The following LARP1 variants were observed in gnomAD, a reference collection of about 807,000 sequenced individuals.
The protein encoded by LARP1 is La ribonucleoprotein 1, translational regulator, also known as la-related protein 1.
A neutral mutation model predicts 122.7 loss-of-function variants in LARP1; 36 were observed. That is an observed-to-expected ratio of 0.29 (90% CI 0.22 to 0.39). The LOEUF is 0.39. Among genes scored for constraint, LARP1 ranks in the 10% least tolerant of loss-of-function variants. The probability of loss-of-function intolerance (pLI) is 1.00; values close to 1 mark genes in which losing one functional copy is unlikely to be tolerated. For missense variants in LARP1, 1,040 were observed against 1,403.6 expected (o/e 0.74, Z 4.14); for synonymous variants, 539 against 528.7 (o/e 1.02, Z -0.27).
At chr5:154,758,466 G>GT (rs1212722711) in intron 1 of LARP1, among the ~76,000 whole-genome samples, 3 of 152,216 alleles carry the variant, frequency 2.0e-5, no homozygotes, top group Non-Finnish European at 4.4e-5. Context: ...CTCTAAGCCT[G>GT]TTGTTAGGGT....
At position 154,755,744 on chromosome 5, in the gene LARP1, G is replaced by C; in HGVS notation, c.-14G>C. On this transcript the variant is annotated 5_prime_UTR_variant, in exon 1 of 19. Coordinates refer to ENST00000518297, the MANE Select transcript of LARP1 (RefSeq NM_033551.3). ...TCGGGCGCGCCCGGCTTCTCCGGGGGGGCGGGCGCGCAGATGGCCACTCAG... is the reference window on the plus strand; with the variant it reads ...TCGGGCGCGCCCGGCTTCTCCGGGGCGGCGGGCGCGCAGATGGCCACTCAG... 1.0e-6 allele frequency: 1 copy of C among 987,454 alleles called. No individual in the cohort carries two copies. Among genetic ancestry groups the C allele is most frequent in the Non-Finnish European group, 1.2e-6 (1 of 830,434 alleles). 61.2% of individuals were successfully genotyped at this position (987,454 alleles called of 1,614,324 possible). A position where few individuals can be genotyped will look rare whatever the true frequency, so the allele number is the denominator to read the frequency against.
chr5:154,738,093 C>T (rs746123530), intron 1 of LARP1, among the ~76,000 whole-genome samples: 3 of 152,180 alleles, frequency 2.0e-5, no homozygotes. Flanking sequence ...CTAAGTCACA[C>T]GCCCTCAGCT....
rs772260392 is a variant in LARP1 at position 154,803,298 on chromosome 5, C to T, written c.2118C>T (p.Val706=). ...EPEYSQIKQE[V]ENFKKVNMIS... ...TCTCATGACCTCTGCAGCAAGAAGT[C>T]GAGAACTTCAAAAAGGTCAATATGA... is the stretch of plus-strand genomic sequence containing the variant. Residue 706 remains valine, a synonymous_variant, in exon 12 of 19, where the codon GTC becomes GTT. Coordinates refer to ENST00000518297, the MANE Select transcript of LARP1 (RefSeq NM_033551.3). This position sits in a 1 kb window ranked among gnomAD's most constrained non-coding sequence, Gnocchi z 4.4. 8.1e-6 allele frequency: 13 copies of T among 1,613,964 alleles called. No individual in the cohort carries two copies. The highest frequency in any genetic ancestry group is 4.0e-5 in the African/African-American group (3 of 74,886).
intron 1 of LARP1, 131 bp downstream of exon 1, chr5:154,756,324 T>G: frequency 1.1e-6 from 1 of 910,378 alleles, no homozygotes. Context: ...TAAAATTGCC[T>G]CCTGGTTGAT....
rs1353828885 is a variant in LARP1, at chr5:154,790,471, A to G, written c.498+85A>G. On this transcript the variant is annotated intron_variant, in intron 2 of 18. Coordinates refer to ENST00000518297, the MANE Select transcript of LARP1 (RefSeq NM_033551.3). ...TTTTAGTGAATGCTCCTGGACTGCC[A>G]ACTAGTTCTGGATTGTCTGTGAATT... 4.4e-6 allele frequency: 6 copies of G among 1,371,388 alleles called. No individual in the cohort carries two copies. In the Admixed American group the frequency reaches 1.1e-4, roughly 25 times the overall value. The allele number at this position is 1,371,388 out of a possible 1,614,324, so 85.0% of individuals were successfully genotyped here.
At chr5:154,811,172 CCT>C in intron 16 of LARP1, 73 bp from the exon 17 acceptor site, 1 of 1,050,598 alleles carries the variant, frequency 9.5e-7, no homozygotes. Context: ...TTTCATAGTT[CCT>C]CTGTTATGCA....
chr5:154,755,557 G>A lies in LARP1; in HGVS notation c.-201G>A. 1 of 986,770 alleles carries A rather than the reference G, an allele frequency of 1.0e-6. No homozygotes were observed. Among genetic ancestry groups the A allele is most frequent in the Non-Finnish European group, 1.2e-6 (1 of 829,768 alleles). The allele number at this position is 986,770 out of a possible 1,614,324, so 61.1% of individuals were successfully genotyped here. A position where few individuals can be genotyped will look rare whatever the true frequency, so the allele number is the denominator to read the frequency against. On this transcript the variant is annotated 5_prime_UTR_variant, in exon 1 of 19. Transcript: ENST00000518297. ...GAGTGGGGGGCCTTCCTCCCCCCCC[G>A]CCCCGCTAGTGGGCCTCGGATTTAC...
chr5:154,811,399 GCCT>G (rs1256648055), intron 17 of LARP1, 43 bp downstream of exon 17: 1 of 1,608,022 alleles, frequency 6.2e-7, no homozygotes, highest in Admixed American at 1.7e-5. Context: ...GGTCATGTAG[GCCT>G]CCTCTTCCCC....
At chr5:154,722,918 T>G (rs568793105) in intron 1 of LARP1, among the ~76,000 whole-genome samples, 14 of 152,234 alleles carry the variant, frequency 9.2e-5, no homozygotes, top group African/African-American at 3.4e-4. Context: ...TGACCTCAGG[T>G]GATCCACCCA....
In LARP1 at chr5:154,814,049, G is replaced by T; in HGVS notation, c.3244G>T (p.Ala1082Ser). ...CACCGGCCAGCCTGTCCGGGAAGAT[G>T]CCAAATGGACAAGCCAGCACTCGAA... is the stretch of plus-strand genomic sequence containing the variant. ...PPTGQPVRED[A>S]KWTSQHSNTQ... is the part of the protein sequence containing the mutation. Residue 1082 changes from alanine to serine, a missense_variant, in exon 19 of 19, where the codon GCC becomes TCC. This residue lies in a region of LARP1 where 129 missense variants were observed against 160.8 expected (regional missense o/e 0.80). Coordinates refer to ENST00000518297, the MANE Select transcript of LARP1 (RefSeq NM_033551.3). The T allele has an allele frequency of 6.2e-7, 1 of 1,614,106 alleles. No individual in the cohort carries two copies. The highest frequency in any genetic ancestry group is 8.5e-7 in the Non-Finnish European group (1 of 1,180,010).
chr5:154,686,590 C>G (rs867846261), intron 1 of LARP1, among the ~76,000 whole-genome samples: 3 of 152,216 alleles, frequency 2.0e-5, no homozygotes, highest in Non-Finnish European at 2.9e-5. Context: ...TAGCAATAGA[C>G]TGGCACTGAG....
rs748372935 is a variant in LARP1 at position 154,792,613 on chromosome 5, C to T, written c.565-9C>T. 7 of 1,613,150 alleles carry T rather than the reference C, an allele frequency of 4.3e-6. No homozygotes were observed. The highest frequency in any genetic ancestry group is 3.3e-5 in the South Asian group (3 of 90,924). ...ACTCACCTCACTGTTACTTTACTTC[C>T]TGCTATAGCCACAGTCCCACAAGCC... On this transcript the variant is annotated splice_polypyrimidine_tract_variant and intron_variant, in intron 3 of 18. Coordinates refer to ENST00000518297, the MANE Select transcript of LARP1 (RefSeq NM_033551.3).
chr5:154,683,992 CTG>C (rs1156507188), intron 1 of LARP1, among the ~76,000 whole-genome samples: 1 of 152,130 alleles, frequency 6.6e-6, no homozygotes, highest in African/African-American at 2.4e-5. Context: ...GTTGGCCAAT[CTG>C]GTATATTTGG....
chr5:154,795,386 C>T, intron 8 of LARP1, 67 bp downstream of exon 8: 1 of 1,535,714 alleles, frequency 6.5e-7, no homozygotes, highest in Non-Finnish European at 8.9e-7. Flanking sequence ...GGAGTTTGGG[C>T]CAAGGCAGAA....
At chr5:154,794,074 C>G (rs754638691) in intron 6 of LARP1, 26 bp from the exon 7 acceptor site, 6 of 1,613,408 alleles carry the variant, frequency 3.7e-6, no homozygotes, top group Non-Finnish European at 5.1e-6. Flanking sequence ...ATCTCCTCTC[C>G]CTCATGGCAC....
At chr5:154,712,855 A>T in exon 1 of LARP1, 1 of 1,366,952 alleles carries the variant, frequency 7.3e-7, no homozygotes, top group Non-Finnish European at 1.0e-6. Flanking sequence ...CAGAGCCAGG[A>T]GGCAGCTGTG....
At chr5:154,764,361 C>T (rs1187665130) in intron 1 of LARP1, among the ~76,000 whole-genome samples, 1 of 147,022 alleles carries the variant, frequency 6.8e-6, no homozygotes, top group Non-Finnish European at 1.5e-5. Flanking sequence ...TTATACCAGT[C>T]ATCCCAGCAC....
chr5:154,779,657 C>T (rs772637015), intron 1 of LARP1, among the ~76,000 whole-genome samples: 6 of 152,026 alleles, frequency 3.9e-5, no homozygotes, highest in East Asian at 1.9e-4. Flanking sequence ...TACAGGCATG[C>T]GCCACCACAC....
At chr5:154,806,409 G>T (rs1727362476) in intron 15 of LARP1, among the ~76,000 whole-genome samples, 1 of 152,202 alleles carries the variant, frequency 6.6e-6, no homozygotes, top group Non-Finnish European at 1.5e-5. Flanking sequence ...TGCCAAACTG[G>T]CCTGTGAGTC....
Sources: gnomAD v4.1 joint callset for allele counts (sites outside exome capture counted in the v4.1 genomes callset) on GRCh38, gnomAD v4.1.1 for gene constraint, gnomAD v4.1.1 regional missense constraint, Gnocchi (gnomAD v3.1) non-coding constraint, MANE v1.5 for transcripts, NCBI Gene and HGNC (gene_info 2026-07-23, HGNC 2026-07-21) for gene names.